The following KLF13 variants were observed in gnomAD, a reference collection of about 807,000 sequenced individuals.
KLF13 encodes Krueppel-like factor 13.
Under a neutral mutation model 16.7 loss-of-function variants are expected in KLF13, and 8 were observed. That is an observed-to-expected ratio of 0.48 (90% CI 0.28 to 0.87). KLF13 has a LOEUF of 0.87. Ranked by LOEUF, KLF13 falls within the 40% of genes least tolerant of loss-of-function variation. The pLI is 0.10. For missense variants in KLF13, 447 were observed against 452.2 expected (o/e 0.99, Z 0.10); for synonymous variants, 245 against 208.4 (o/e 1.18, Z -1.51).
downstream of KLF13, among the ~76,000 whole-genome samples, chr15:31,408,539 A>G (rs1013662567): frequency 6.6e-6 from 1 of 152,240 alleles, no homozygotes; most frequent in African/African-American, 2.4e-5. Context: ...AACCATTGCA[A>G]TGTTAAATCT....
intron 1 of KLF13, among the ~76,000 whole-genome samples, chr15:31,411,689 A>G (rs74702342): frequency 0.12 from 18,816 of 151,922 alleles, 3,420 homozygotes; most frequent in African/African-American, 0.4. Context: ...ACAAGCATGA[A>G]CCACTGTGCC....
intron 1 of KLF13, among the ~76,000 whole-genome samples, chr15:31,428,821 A>G (rs1168694941): frequency 1.5e-4 from 2 of 13,510 alleles, no homozygotes; most frequent in Non-Finnish European, 2.9e-4. Flanking sequence ...AAAAAAAAAA[A>G]AAAAGAAAAA....
At position 31,372,218 on chromosome 15, in the gene KLF13, G is replaced by A. The variant is rs777205572; in HGVS notation, c.786G>A (p.Gly262=). The A allele has an allele frequency of 1.5e-5, 24 of 1,600,232 alleles. No homozygotes were observed. In the South Asian group the frequency reaches 2.4e-4, roughly 16 times the overall value. The change falls in exon 2 of 2, where the codon GGG becomes GGA. Residue 262 remains glycine, a synonymous_variant. Transcript: ENST00000307145. ...CGGGAATGCTGCAGCGGCGCGGCGG[G>A]GGCTCGCGGACCGGCTCCCTCAGCG... ...FHPGMLQRRG[G]GSRTGSLSDY... is the part of the protein sequence containing the mutation.
chr15:31,416,852 AAT>A (rs766341649), intron 1 of KLF13, among the ~76,000 whole-genome samples: 2 of 152,224 alleles, frequency 1.3e-5, no homozygotes, highest in Non-Finnish European at 2.9e-5. Context: ...ATGAACTGTT[AAT>A]ATGTTTCCTA....
intron 1 of KLF13, among the ~76,000 whole-genome samples, chr15:31,359,571 C>T (rs1478357877): frequency 2.0e-5 from 3 of 152,154 alleles, no homozygotes; most frequent in African/African-American, 7.2e-5. Context: ...TCTGACTGTC[C>T]AAAGTGATTC....
intron 1 of KLF13, among the ~76,000 whole-genome samples, chr15:31,369,713 A>G (rs2039528168): frequency 6.6e-6 from 1 of 152,130 alleles, no homozygotes; most frequent in Non-Finnish European, 1.5e-5. Flanking sequence ...CACTCTTGTC[A>G]TGCAATGGCC....
chr15:31,349,311 C>G (rs1007455892), intron 1 of KLF13, among the ~76,000 whole-genome samples: 71 of 152,346 alleles, frequency 4.7e-4, no homozygotes, highest in Middle Eastern at 3.4e-3. Context: ...ACTGCTTTCC[C>G]CATGAGCCGC....
At position 31,377,605 on chromosome 15, in the gene KLF13, T is replaced by C. The variant is rs1246142179; in HGVS notation, c.*5306T>C. 6.6e-6 allele frequency: 1 copy of C among 152,616 alleles called. No individual in the cohort carries two copies. Among genetic ancestry groups the C allele is most frequent in the Non-Finnish European group, 1.5e-5 (1 of 68,034 alleles). The allele number at this position is 152,616 out of a possible 1,614,324, so 9.5% of individuals were successfully genotyped here. Reference sequence around the variant, plus strand: ...TCCAAGACCATTTCCATGGAGCTCATGTTTTTCTTTTCTGTAGGAACTTTT... The same window carrying C: ...TCCAAGACCATTTCCATGGAGCTCACGTTTTTCTTTTCTGTAGGAACTTTT... On this transcript the variant is annotated 3_prime_UTR_variant, in exon 2 of 2. Transcript: ENST00000307145.
rs781523990 is a variant in KLF13, at chr15:31,327,822, C to G, written c.577+33C>G. ...GGGCGGCGCGGGCGCCCGGATCGCG[C>G]GGACGGGGTCGGCGCGAGCTGCCCG... On this transcript the variant is annotated intron_variant, in intron 1 of 1. Coordinates refer to ENST00000307145, the MANE Select transcript of KLF13 (RefSeq NM_015995.4). 5 of 1,420,106 alleles carry G rather than the reference C, an allele frequency of 3.5e-6. No individual in the cohort carries two copies. The South Asian group carries it at 7.1e-5, about 20-fold the overall frequency. The allele number at this position is 1,420,106 out of a possible 1,614,324, so 88.0% of individuals were successfully genotyped here. A position where few individuals can be genotyped will look rare whatever the true frequency, so the allele number is the denominator to read the frequency against.
At chr15:31,409,913 C>G (rs2040171497) in intron 1 of KLF13, among the ~76,000 whole-genome samples, 1 of 152,050 alleles carries the variant, frequency 6.6e-6, no homozygotes, top group African/African-American at 2.4e-5. Flanking sequence ...ACGATACCAA[C>G]AGAATCTTGA....
At chr15:31,384,226 C>G (rs1023349074) in intron 1 of KLF13, among the ~76,000 whole-genome samples, 1 of 152,162 alleles carries the variant, frequency 6.6e-6, no homozygotes, top group Non-Finnish European at 1.5e-5. Flanking sequence ...ATCACCTGAG[C>G]TCAGGAGTTC....
chr15:31,334,085 A>G (rs1423013118), intron 1 of KLF13, among the ~76,000 whole-genome samples: 1 of 152,144 alleles, frequency 6.6e-6, no homozygotes, highest in African/African-American at 2.4e-5. Context: ...GACTGGAGAG[A>G]TGTTGGGGGT....
rs770276446 is a variant in KLF13, at chr15:31,375,022, C to T, written c.*2723C>T. ...TATTTTTGGCATAAGAGCGTGTCTT[C>T]ATTCCCAAAGTGGTTCTCGTTTAAT... On this transcript the variant is annotated 3_prime_UTR_variant, in exon 2 of 2. Coordinates refer to ENST00000307145, the MANE Select transcript of KLF13 (RefSeq NM_015995.4). The T allele has an allele frequency of 1.6e-4, 24 of 152,614 alleles. No individual in the cohort carries two copies. Among genetic ancestry groups the T allele is most frequent in the Non-Finnish European group, 2.5e-4 (17 of 68,038 alleles). 9.5% of individuals were successfully genotyped at this position (152,614 alleles called of 1,614,324 possible). A position where few individuals can be genotyped will look rare whatever the true frequency, so the allele number is the denominator to read the frequency against.
At chr15:31,353,646 C>T (rs1227491908) in intron 1 of KLF13, among the ~76,000 whole-genome samples, 3 of 152,240 alleles carry the variant, frequency 2.0e-5, no homozygotes, top group Non-Finnish European at 4.4e-5. Flanking sequence ...CTGATCATTT[C>T]CACTCTTATC....
At chr15:31,365,799 G>A (rs2039459159) in intron 1 of KLF13, among the ~76,000 whole-genome samples, 1 of 152,150 alleles carries the variant, frequency 6.6e-6, no homozygotes, top group Non-Finnish European at 1.5e-5. Context: ...GCATTTGCAT[G>A]TGGCTGCTGT....
chr15:31,372,354 C>A lies in KLF13; in HGVS notation c.*55C>A. 1 of 1,386,942 alleles carries A rather than the reference C, an allele frequency of 7.2e-7. No individual in the cohort carries two copies. Among genetic ancestry groups the A allele is most frequent in the Non-Finnish European group, 9.3e-7 (1 of 1,070,784 alleles). The allele number at this position is 1,386,942 out of a possible 1,614,324, so 85.9% of individuals were successfully genotyped here. On this transcript the variant is annotated 3_prime_UTR_variant, in exon 2 of 2. Coordinates refer to ENST00000307145, the MANE Select transcript of KLF13 (RefSeq NM_015995.4). ...ACCCCCTCGTGAGTCCCTGGCCTTT[C>A]CTTTTGTAATAAGAAAGAAGAGAGA...
chr15:31,384,598 T>C (rs962156686), intron 1 of KLF13, among the ~76,000 whole-genome samples: 3 of 152,230 alleles, frequency 2.0e-5, no homozygotes, highest in African/African-American at 7.2e-5. Context: ...TTTGTGAGGC[T>C]AAGAGCTTGC....
At position 31,383,132 on chromosome 15, in the gene KLF13, G is replaced by T. The variant is rs148313340; in HGVS notation, n.224-52238G>T. Among the ~76,000 whole-genome samples the T allele has an allele frequency of 2.7e-3, 412 of 152,342 alleles. 3 individuals carry two copies. The highest frequency in any genetic ancestry group is 0.01 in the Middle Eastern group (3 of 294). On this transcript the variant is annotated intron_variant and non_coding_transcript_variant, in intron 1 of 1. Transcript: ENST00000558921. ...CTCATCTCAACACCAGCAACACAAGGTGTTTTGGGAAAGTGGTTATTGCAT... is the reference window on the plus strand; with the variant it reads ...CTCATCTCAACACCAGCAACACAAGTTGTTTTGGGAAAGTGGTTATTGCAT...
chr15:31,423,572 C>T (rs955659134), intron 1 of KLF13, among the ~76,000 whole-genome samples: 1 of 152,024 alleles, frequency 6.6e-6, no homozygotes, highest in Non-Finnish European at 1.5e-5. Context: ...GCGGAGGTTG[C>T]AGTGAGCCAA....
Sources: gnomAD v4.1 joint callset for allele counts (sites outside exome capture counted in the v4.1 genomes callset) on GRCh38, gnomAD v4.1.1 for gene constraint, MANE v1.5 for transcripts, NCBI Gene and HGNC (gene_info 2026-07-23, HGNC 2026-07-21) for gene names.